CLIP1: variants seen among roughly 807,000 people sequenced by gnomAD.
CLIP1 encodes the protein CAP-Gly domain containing linker protein 1, also known as CAP-Gly domain-containing linker protein 1.
Under a neutral mutation model 161.6 loss-of-function variants are expected in CLIP1, and 66 were observed. That is an observed-to-expected ratio of 0.41 (90% CI 0.33 to 0.50). The LOEUF is 0.50. CLIP1 is among the 20% of genes least tolerant of loss of function. CLIP1 has a pLI of 0.27. For synonymous variants in CLIP1, 598 were observed against 626.2 expected (o/e 0.96, Z 0.67); for missense variants, 1,376 against 1,702.0 (o/e 0.81, Z 3.37).
At chr12:122,372,944 T>C (rs1042308901) in intron 3 of CLIP1, among the ~76,000 whole-genome samples, 5 of 152,102 alleles carry the variant, frequency 3.3e-5, no homozygotes, top group African/African-American at 1.2e-4. Context: ...GCTCATAGGT[T>C]TGAGGTTCTA....
chr12:122,354,763 C>T, intron 6 of CLIP1: 2 of 579,982 alleles, frequency 3.4e-6, no homozygotes, highest in East Asian at 2.9e-5. Flanking sequence ...AATGTTAAAA[C>T]ACCTCTCATC....
At position 122,393,912 on chromosome 12, in the gene CLIP1, C is replaced by CAAAAAAAAAAAAAAAAAAAAA. The variant is rs71082981; in HGVS notation, c.-106-13355_-106-13354insTTTTTTTTTTTTTTTTTTTTT. On this transcript the variant is annotated intron_variant, in intron 1 of 25. Coordinates refer to ENST00000620786, the MANE Select transcript of CLIP1 (RefSeq NM_001247997.2). ...GGGTGACAGAGTGAGATTCTGTCTC[C>CAAAAAAAAAAAAAAAAAAAAA]AAAAAAAAAAAAAAAAAAGATTCTA... is the stretch of plus-strand genomic sequence containing the variant. 2.2e-4 allele frequency among the ~76,000 whole-genome samples: 14 copies of CAAAAAAAAAAAAAAAAAAAAA among 63,194 alleles called. 1 individual carries two copies. The highest frequency in any genetic ancestry group is 6.5e-4 in the African/African-American group (14 of 21,660). The allele number at this position is 63,194 out of a possible 152,430, so 41.5% of individuals were successfully genotyped here.
chr12:122,338,689 C>T (rs1166529344), intron 11 of CLIP1, among the ~76,000 whole-genome samples: 1 of 151,950 alleles, frequency 6.6e-6, no homozygotes, highest in Non-Finnish European at 1.5e-5. Flanking sequence ...TGCACTCCAG[C>T]CTGCGCAACA....
chr12:122,279,691 G>GATT lies in CLIP1; in HGVS notation c.3648-549_3648-547dup, dbSNP rs1337670391. ...TGTTATGGGCCAAAACAGTAGTAAA[G>GATT]ATTATTATTATTACTCAAACTGAAG... On this transcript the variant is annotated intron_variant, in intron 21 of 25. Transcript: ENST00000620786. The surrounding 1 kb of genome is among the most constrained non-coding windows in gnomAD (Gnocchi z 4.5). 1 of 152,164 alleles carries GATT rather than the reference G, an allele frequency of 6.6e-6. No homozygotes were observed. Among genetic ancestry groups the GATT allele is most frequent in the East Asian group, 1.9e-4 (1 of 5,198 alleles). The allele number at this position is 152,164 out of a possible 1,614,324, so 9.4% of individuals were successfully genotyped here. A position where few individuals can be genotyped will look rare whatever the true frequency, so the allele number is the denominator to read the frequency against.
At chr12:122,364,547 T>C (rs1034319354) in intron 3 of CLIP1, among the ~76,000 whole-genome samples, 1 of 151,824 alleles carries the variant, frequency 6.6e-6, no homozygotes, top group African/African-American at 2.4e-5. Context: ...AAACTACAGG[T>C]GCACACCACC....
In CLIP1 at chr12:122,279,216, C is replaced by A. The variant is rs533217721; in HGVS notation, c.3648-71G>T. The A allele has an allele frequency of 1.4e-5, 13 of 939,904 alleles. No individual in the cohort carries two copies. The highest frequency in any genetic ancestry group is 3.6e-5 in the South Asian group (2 of 55,284). 58.2% of individuals were successfully genotyped at this position (939,904 alleles called of 1,614,324 possible). A position where few individuals can be genotyped will look rare whatever the true frequency, so the allele number is the denominator to read the frequency against. On this transcript the variant is annotated intron_variant, in intron 21 of 25. Transcript: ENST00000620786. The surrounding 1 kb of genome is among the most constrained non-coding windows in gnomAD (Gnocchi z 4.5). ...TGGTCAGTGTACAACTGTTCTAGAA[C>A]AAACACATAATTAATGTTAGTTAAT...
chr12:122,417,191 G>A (rs558442393), intron 1 of CLIP1, among the ~76,000 whole-genome samples: 49 of 152,214 alleles, frequency 3.2e-4, no homozygotes, highest in African/African-American at 1.2e-3. Context: ...CAGCTACTTG[G>A]AGGCTGAGGC....
Position 122,323,647 on chromosome 12 carries a change from C to A in CLIP1, c.3250-4299G>T, listed in dbSNP as rs193111863. Reference sequence around the variant, plus strand: ...CTTGAAGCAGCATGTCCGTCTCTAACTGCAGATTTCTGTTGTTCTGAAGAA... The same window carrying A: ...CTTGAAGCAGCATGTCCGTCTCTAAATGCAGATTTCTGTTGTTCTGAAGAA... On this transcript the variant is annotated intron_variant, in intron 17 of 25. Transcript: ENST00000620786. This position sits in a 1 kb window ranked among gnomAD's most constrained non-coding sequence, Gnocchi z 4.1. 633 of 152,806 alleles carry A rather than the reference C, an allele frequency of 4.1e-3. 18 individuals carry two copies. The highest frequency in any genetic ancestry group is 3.5e-3 in the East Asian group (18 of 5,188). 9.5% of individuals were successfully genotyped at this position (152,806 alleles called of 1,614,324 possible). A position where few individuals can be genotyped will look rare whatever the true frequency, so the allele number is the denominator to read the frequency against.
intron 7 of CLIP1, 55 bp from the exon 8 acceptor site, chr12:122,352,841 T>A: frequency 6.9e-7 from 1 of 1,455,592 alleles, no homozygotes. Context: ...ACACAGCCTT[T>A]AAAAAAACAA....
At position 122,380,363 on chromosome 12, in the gene CLIP1, A is replaced by G; in HGVS notation, c.85+5T>C. On this transcript the variant is annotated splice_donor_5th_base_variant and intron_variant, in intron 2 of 25. Transcript: ENST00000620786. ...GATAAGGAAAGGAAAAGCGTAAAGTATTACCAGCCGTAGGTGTCTTCAGAG... is the reference window on the plus strand; with the variant it reads ...GATAAGGAAAGGAAAAGCGTAAAGTGTTACCAGCCGTAGGTGTCTTCAGAG... The G allele has an allele frequency of 6.2e-7, 1 of 1,605,548 alleles. No individual in the cohort carries two copies. The highest frequency in any genetic ancestry group is 1.1e-5 in the South Asian group (1 of 90,176).
At chr12:122,332,344 T>C (rs1952017484) in intron 15 of CLIP1, among the ~76,000 whole-genome samples, 1 of 152,048 alleles carries the variant, frequency 6.6e-6, no homozygotes, top group Non-Finnish European at 1.5e-5. Flanking sequence ...TATACACATC[T>C]ATATATAAAC....
At chr12:122,297,918 C>A (rs1348074329) in intron 20 of CLIP1, among the ~76,000 whole-genome samples, 2 of 152,188 alleles carry the variant, frequency 1.3e-5, no homozygotes, top group Admixed American at 1.3e-4. Context: ...AGGGTCATGT[C>A]GCCCTCCCAG....
intron 21 of CLIP1, among the ~76,000 whole-genome samples, chr12:122,285,148 T>C (rs920501657): frequency 6.6e-6 from 1 of 152,040 alleles, no homozygotes; most frequent in Non-Finnish European, 1.5e-5. Flanking sequence ...AGCTCCACCA[T>C]TATATTTCAC....
At chr12:122,416,183 G>A (rs947733735) in intron 1 of CLIP1, among the ~76,000 whole-genome samples, 9 of 152,156 alleles carry the variant, frequency 5.9e-5, no homozygotes, top group Non-Finnish European at 1.0e-4. Context: ...GTTGCAGTGA[G>A]CCAAGATAGC....
At chr12:122,390,304 G>GTATGTA (rs1955596172) in intron 1 of CLIP1, among the ~76,000 whole-genome samples, 1 of 88,258 alleles carries the variant, frequency 1.1e-5, no homozygotes, top group Non-Finnish European at 2.4e-5. Context: ...ATATATATAT[G>GTATGTA]TATATATATA....
At chr12:122,418,381 CTG>C (rs1248060619) in intron 1 of CLIP1, among the ~76,000 whole-genome samples, 2 of 152,172 alleles carry the variant, frequency 1.3e-5, no homozygotes, top group African/African-American at 4.8e-5. Flanking sequence ...ATAAACAACA[CTG>C]TCTACTCTTC....
chr12:122,355,058 G>A lies in CLIP1; in HGVS notation c.1203+57C>T, dbSNP rs144114636. On this transcript the variant is annotated intron_variant, in intron 6 of 25. Coordinates refer to ENST00000620786, the MANE Select transcript of CLIP1 (RefSeq NM_001247997.2). This position sits in a 1 kb window ranked among gnomAD's most constrained non-coding sequence, Gnocchi z 4.1. ...GTGCCAAGCACCGGGCATGCTTCTCGGCTCCTCAGTGGCTTTAGAAACCAT... is the reference window on the plus strand; with the variant it reads ...GTGCCAAGCACCGGGCATGCTTCTCAGCTCCTCAGTGGCTTTAGAAACCAT... 6.3e-4 allele frequency: 948 copies of A among 1,516,302 alleles called. 7 individuals are homozygous for A. The African/African-American group carries it at 0.011, about 18-fold the overall frequency. 93.9% of individuals were successfully genotyped at this position (1,516,302 alleles called of 1,614,324 possible). A position where few individuals can be genotyped will look rare whatever the true frequency, so the allele number is the denominator to read the frequency against.
At chr12:122,387,547 CATATATATATATATATATATATAT>C (rs773688335) in intron 1 of CLIP1, among the ~76,000 whole-genome samples, 2,481 of 40,352 alleles carry the variant, frequency 0.061, 321 homozygotes, top group Non-Finnish European at 0.092. Flanking sequence ...CATGCCTTTT[CATATATATATATATATATATATAT>C]ATATATATAT....
intron 1 of CLIP1, among the ~76,000 whole-genome samples, chr12:122,409,657 G>C (rs576415834): frequency 1.3e-5 from 2 of 151,234 alleles, no homozygotes; most frequent in Non-Finnish European, 2.9e-5. Context: ...TCAGCCTCCC[G>C]AGTAGCTGGG....
Sources: gnomAD v4.1 joint callset for allele counts (sites outside exome capture counted in the v4.1 genomes callset) on GRCh38, gnomAD v4.1.1 for gene constraint, Gnocchi (gnomAD v3.1) non-coding constraint, MANE v1.5 for transcripts, NCBI Gene and HGNC (gene_info 2026-07-23, HGNC 2026-07-21) for gene names.